The following TTC29 variants were observed in gnomAD, a reference collection of about 807,000 sequenced individuals.
TTC29 encodes the protein tetratricopeptide repeat domain 29.
A neutral mutation model predicts 58.1 loss-of-function variants in TTC29; 49 were observed. The ratio of observed to expected loss-of-function variants is 0.84; its 90% CI spans 0.67 to 1.07. The LOEUF (loss-of-function observed/expected upper bound fraction) is 1.07. Among genes scored for constraint, TTC29 ranks in the 50% least tolerant of loss-of-function variants. The pLI is 0.00. For missense variants in TTC29, 582 were observed against 555.6 expected (o/e 1.05, Z -0.48); for synonymous variants, 209 against 196.8 (o/e 1.06, Z -0.52).
chr4:146,888,169 C>G (rs1732117233), intron 6 of TTC29, among the ~76,000 whole-genome samples: 3 of 151,938 alleles, frequency 2.0e-5, no homozygotes, highest in Non-Finnish European at 4.4e-5. Context: ...GACACAAGTC[C>G]CAAAAAAGAA....
intron 11 of TTC29, among the ~76,000 whole-genome samples, chr4:146,737,524 C>T (rs984545482): frequency 3.0e-5 from 4 of 134,664 alleles, no homozygotes; most frequent in South Asian, 2.4e-4. Flanking sequence ...CTGATGACTA[C>T]GGGGCAGATT....
intron 8 of TTC29, among the ~76,000 whole-genome samples, chr4:146,858,544 G>A (rs1730018871): frequency 6.6e-6 from 1 of 152,146 alleles, no homozygotes; most frequent in Non-Finnish European, 1.5e-5. Flanking sequence ...CTAACTAGGG[G>A]TTTGAGAATA....
intron 11 of TTC29, among the ~76,000 whole-genome samples, chr4:146,776,219 A>T (rs1748080741): frequency 6.6e-6 from 1 of 151,882 alleles, no homozygotes; most frequent in South Asian, 2.1e-4. Flanking sequence ...GATTCCTTGG[A>T]TTGGGTTTCA....
intron 11 of TTC29, among the ~76,000 whole-genome samples, chr4:146,768,552 G>A (rs921959994): frequency 1.3e-5 from 2 of 151,844 alleles, no homozygotes; most frequent in Non-Finnish European, 2.9e-5. Context: ...AGAAAAAGAT[G>A]ACAATTTTGA....
chr4:146,715,014 T>A lies in TTC29; in HGVS notation c.1331-7463A>T, dbSNP rs545387912. Among the ~76,000 whole-genome samples the A allele has an allele frequency of 1.1e-3, 169 of 151,782 alleles. 2 individuals are homozygous for A. Among genetic ancestry groups the A allele is most frequent in the African/African-American group, 3.8e-3 (157 of 41,374 alleles). On this transcript the variant is annotated intron_variant, in intron 11 of 12. Transcript: ENST00000325106. ...TGTCTGGCTAATTAAAAAAAAAAAA[T>A]TCTTGTAGAGATGGGATCTTGTTTC...
At chr4:146,788,275 T>C (rs1245995355) in intron 11 of TTC29, among the ~76,000 whole-genome samples, 2 of 152,246 alleles carry the variant, frequency 1.3e-5, no homozygotes, top group Non-Finnish European at 2.9e-5. Flanking sequence ...TACAGTCATA[T>C]GTCAGAATAT....
chr4:146,724,830 A>C (rs768272088), intron 11 of TTC29, among the ~76,000 whole-genome samples: 4 of 152,152 alleles, frequency 2.6e-5, no homozygotes, highest in Non-Finnish European at 5.9e-5. Flanking sequence ...AAATAATTTA[A>C]AATAATTATT....
At chr4:146,920,596 A>T (rs1027069218) in intron 4 of TTC29, among the ~76,000 whole-genome samples, 3 of 151,070 alleles carry the variant, frequency 2.0e-5, no homozygotes, top group Non-Finnish European at 4.5e-5. Context: ...TCTTCTAGTG[A>T]AGTAATGATA....
intron 11 of TTC29, among the ~76,000 whole-genome samples, chr4:146,774,532 G>C (rs1747952992): frequency 6.6e-6 from 1 of 152,088 alleles, no homozygotes; most frequent in African/African-American, 2.4e-5. Context: ...ATGGCTTGGG[G>C]CAATTTTCTT....
intron 5 of TTC29, among the ~76,000 whole-genome samples, chr4:146,908,353 T>C (rs1733665910): frequency 6.6e-6 from 1 of 152,146 alleles, no homozygotes; most frequent in Admixed American, 6.5e-5. Context: ...CAGTTCCTAA[T>C]ATGTAACTAA....
At chr4:146,832,612 C>T (rs1332639955) in intron 9 of TTC29, among the ~76,000 whole-genome samples, 1 of 152,008 alleles carries the variant, frequency 6.6e-6, no homozygotes, top group Non-Finnish European at 1.5e-5. Context: ...GCTGGGATTA[C>T]AGGAGCCCTC....
At chr4:146,920,671 C>G (rs1218579708) in intron 4 of TTC29, among the ~76,000 whole-genome samples, 5 of 150,958 alleles carry the variant, frequency 3.3e-5, no homozygotes, top group African/African-American at 4.8e-5. Flanking sequence ...ATCATTGGTA[C>G]TCCATTAACT....
intron 11 of TTC29, among the ~76,000 whole-genome samples, chr4:146,760,419 C>A (rs7690013): frequency 6.6e-6 from 1 of 151,456 alleles, no homozygotes; most frequent in Non-Finnish European, 1.5e-5. Flanking sequence ...TCATTCTTCA[C>A]AAAATTAGAA....
chr4:146,874,916 T>C lies in TTC29; in HGVS notation c.599A>G (p.Glu200Gly). ...LLYEEDGQLL[E>G]AAEHYEAFHQ... The stretch of plus-strand genomic sequence containing the variant: ...GAATGCTTCATAATGCTCAGCAGCT[T>C]CCAGAAGCTGACCTGGAGAATAAAA... The change falls in exon 7 of 13, where the codon GAA (glutamate) becomes GGA (glycine). Residue 200 changes from glutamate to glycine, a missense_variant. By Grantham distance (98) the Glu-to-Gly change is moderately conservative. Transcript: ENST00000325106. 1.2e-6 allele frequency: 2 copies of C among 1,613,002 alleles called. No homozygotes were observed. Among genetic ancestry groups the C allele is most frequent in the Non-Finnish European group, 1.7e-6 (2 of 1,179,322 alleles).
intron 3 of TTC29, among the ~76,000 whole-genome samples, chr4:146,938,694 C>T (rs944534731): frequency 6.6e-6 from 1 of 151,984 alleles, no homozygotes; most frequent in African/African-American, 2.4e-5. Flanking sequence ...GTTAGTTTAG[C>T]TGAATGTATT....
intron 6 of TTC29, among the ~76,000 whole-genome samples, chr4:146,901,297 T>C (rs982625444): frequency 6.6e-6 from 1 of 152,188 alleles, no homozygotes; most frequent in African/African-American, 2.4e-5. Flanking sequence ...TGTACATTTA[T>C]AATCACCTAG....
At chr4:146,749,104 A>C (rs908186509) in intron 11 of TTC29, among the ~76,000 whole-genome samples, 1 of 151,698 alleles carries the variant, frequency 6.6e-6, no homozygotes, top group Admixed American at 6.6e-5. Flanking sequence ...GATTGCTTTT[A>C]GCCAGAAATT....
At chr4:146,780,302 G>GGT (rs57951745) in intron 11 of TTC29, among the ~76,000 whole-genome samples, 9,345 of 138,386 alleles carry the variant, frequency 0.068, 329 homozygotes, top group South Asian at 0.11. Context: ...CCTAACTTGG[G>GGT]GTGTGTGTGT....
chr4:146,762,788 C>T (rs1747008594), intron 11 of TTC29, among the ~76,000 whole-genome samples: 1 of 151,750 alleles, frequency 6.6e-6, no homozygotes, highest in South Asian at 2.1e-4. Context: ...TTTTTGGATT[C>T]CTGGTATATT....
Sources: allele counts gnomAD v4.1 joint callset (sites outside exome capture counted in the v4.1 genomes callset), GRCh38; gene constraint gnomAD v4.1.1; transcripts MANE v1.5; gene names NCBI Gene and HGNC (gene_info 2026-07-23, HGNC 2026-07-21).